The following NUP93 variants were observed in gnomAD, a reference collection of about 807,000 sequenced individuals.
The protein encoded by NUP93 is nuclear pore complex protein Nup93.
A neutral mutation model predicts 107.8 loss-of-function variants in NUP93; 55 were observed. The ratio of observed to expected loss-of-function variants is 0.51; its 90% CI spans 0.41 to 0.64. The LOEUF (loss-of-function observed/expected upper bound fraction) is 0.64. Ranked by LOEUF, NUP93 falls within the 30% of genes least tolerant of loss-of-function variation. NUP93 has a pLI of 0.00. For synonymous variants in NUP93, 390 were observed against 397.5 expected, an observed-to-expected ratio of 0.98 and a Z score of 0.22; for missense variants, 937 against 1,044.7, an observed-to-expected ratio of 0.90 and a Z score of 1.42.
chr16:56,768,739 C>T (rs1048932022), intron 3 of NUP93, among the ~76,000 whole-genome samples: 9 of 136,322 alleles, frequency 6.6e-5, no homozygotes, highest in Non-Finnish European at 9.5e-5. Context: ...TGGTGGCGGG[C>T]GCCTGTAGTC....
At chr16:56,739,669 A>AG (rs1199743943) in intron 1 of NUP93, among the ~76,000 whole-genome samples, 1 of 40,754 alleles carries the variant, frequency 2.5e-5, no homozygotes, top group African/African-American at 1.2e-4. Context: ...GGCCGGGCGG[A>AG]GGGCTGACCC....
At position 56,841,640 on chromosome 16, in the gene NUP93, C is replaced by T. The variant is rs1964026720; in HGVS notation, c.2221-65C>T. ...GCCTGCCTGGAGCAGCCCACCCTCC[C>T]TCCATCTGTGGTTGGCCCCAAAGGC... is the stretch of plus-strand genomic sequence containing the variant. On this transcript the variant is annotated intron_variant, in intron 20 of 21. Coordinates refer to ENST00000308159, the MANE Select transcript of NUP93 (RefSeq NM_014669.5). The T allele has an allele frequency of 1.9e-6, 3 of 1,589,284 alleles. No individual in the cohort carries two copies. The African/African-American group carries it at 4.0e-5, about 21-fold the overall frequency.
chr16:56,805,337 C>G, intron 4 of NUP93, 167 bp from the exon 5 acceptor site: 1 of 703,610 alleles, frequency 1.4e-6, no homozygotes, highest in Non-Finnish European at 2.3e-6. Context: ...TGTAAACCAC[C>G]ACGCTCAGCC....
At chr16:56,827,047 A>AAAAAAAAAAAG (rs1963679215) in intron 8 of NUP93, among the ~76,000 whole-genome samples, 1 of 103,518 alleles carries the variant, frequency 9.7e-6, no homozygotes, top group East Asian at 3.6e-4. Context: ...TCCGTCTCAA[A>AAAAAAAAAAAG]AAAAAAAAAA....
Position 56,747,350 on chromosome 16 carries a change from G to A in NUP93, c.-14-884G>A, listed in dbSNP as rs139941754. ...TTTCTGTTGATTTAATTAGTGGTAGGAGTTAAAAACATTCTCTTGGTCAAG... is the reference window on the plus strand; with the variant it reads ...TTTCTGTTGATTTAATTAGTGGTAGAAGTTAAAAACATTCTCTTGGTCAAG... On this transcript the variant is annotated intron_variant, in intron 1 of 21. Coordinates refer to ENST00000308159, the MANE Select transcript of NUP93 (RefSeq NM_014669.5). 2.3e-3 allele frequency among the ~76,000 whole-genome samples: 352 copies of A among 152,292 alleles called. 2 individuals carry two copies. The highest frequency in any genetic ancestry group is 7.9e-3 in the African/African-American group (329 of 41,560).
At chr16:56,782,119 TTCCGACAGAGCTCA>T (rs1962527389) in intron 3 of NUP93, 1 of 985,338 alleles carries the variant, frequency 1.0e-6, no homozygotes, top group Non-Finnish European at 1.2e-6. Flanking sequence ...TGAGCACTGG[TTCCGACAGAGCTCA>T]TCTCATATAA....
chr16:56,830,496 T>C, intron 9 of NUP93, 32 bp from the exon 10 acceptor site: 1 of 1,525,266 alleles, frequency 6.6e-7, no homozygotes, highest in Non-Finnish European at 8.9e-7. Context: ...CTTTCCTTGT[T>C]TATTTTGAGC....
intron 3 of NUP93, among the ~76,000 whole-genome samples, chr16:56,788,531 AACTT>A (rs1397032799): frequency 6.6e-6 from 1 of 152,216 alleles, no homozygotes; most frequent in Non-Finnish European, 1.5e-5. Flanking sequence ...TTATGCCCTT[AACTT>A]GTTTGCACTC....
At chr16:56,748,694 A>G (rs1961864709) in intron 2 of NUP93, among the ~76,000 whole-genome samples, 1 of 152,158 alleles carries the variant, frequency 6.6e-6, no homozygotes, top group African/African-American at 2.4e-5. Context: ...GAGCCCTGTC[A>G]TGCTGAATCT....
At chr16:56,813,806 T>C (rs1445686835) in intron 5 of NUP93, among the ~76,000 whole-genome samples, 1 of 152,260 alleles carries the variant, frequency 6.6e-6, no homozygotes, top group Non-Finnish European at 1.5e-5. Context: ...CCTAGGTTAA[T>C]ACACATAGGT....
intron 5 of NUP93, among the ~76,000 whole-genome samples, chr16:56,806,257 A>G (rs1213450372): frequency 6.6e-6 from 1 of 151,452 alleles, no homozygotes. Context: ...TGCCCATCTG[A>G]CACCCAGTCT....
intron 10 of NUP93, chr16:56,831,377 T>C (rs1445767497): frequency 6.4e-6 from 1 of 155,494 alleles, no homozygotes; most frequent in African/African-American, 2.4e-5. Flanking sequence ...CAGAAGCCCC[T>C]GTCTTGCTCA....
intron 1 of NUP93, among the ~76,000 whole-genome samples, chr16:56,738,339 A>G (rs1371794498): frequency 6.6e-6 from 1 of 152,190 alleles, no homozygotes; most frequent in Non-Finnish European, 1.5e-5. Flanking sequence ...TTTCTTTGTG[A>G]TGCCAGGTTA....
chr16:56,831,820 G>A, intron 10 of NUP93, 22 bp from the exon 11 acceptor site: 1 of 1,611,926 alleles, frequency 6.2e-7, no homozygotes, highest in Admixed American at 1.7e-5. Context: ...GTATCTATCT[G>A]TCTGTTCCCT....
chr16:56,763,851 T>C (rs1962172825), intron 3 of NUP93, among the ~76,000 whole-genome samples: 1 of 151,488 alleles, frequency 6.6e-6, no homozygotes, highest in Non-Finnish European at 1.5e-5. Flanking sequence ...CAGCCCCTTC[T>C]ACCCAAAAGA....
In NUP93 at chr16:56,844,490, C is replaced by T; in HGVS notation, c.2350-9C>T. 1 of 1,426,178 alleles carries T rather than the reference C, an allele frequency of 7.0e-7. No homozygotes were observed. The highest frequency in any genetic ancestry group is 9.3e-7 in the Non-Finnish European group (1 of 1,075,710). The allele number at this position is 1,426,178 out of a possible 1,614,324, so 88.3% of individuals were successfully genotyped here. A position where few individuals can be genotyped will look rare whatever the true frequency, so the allele number is the denominator to read the frequency against. On this transcript the variant is annotated splice_polypyrimidine_tract_variant and intron_variant, in intron 21 of 21. Coordinates refer to ENST00000308159, the MANE Select transcript of NUP93 (RefSeq NM_014669.5). ...CCGATTTCCTTCCCTTCCTTCCCTT[C>T]TCTCTCAGCAACTCCGAAGTCAAGC...
intron 4 of NUP93, among the ~76,000 whole-genome samples, chr16:56,804,633 G>A (rs1225286513): frequency 6.6e-6 from 1 of 152,154 alleles, no homozygotes; most frequent in Non-Finnish European, 1.5e-5. Context: ...TGTGGGCTGG[G>A]CACGGTGGCT....
At chr16:56,763,165 T>A (rs1038087162) in intron 3 of NUP93, among the ~76,000 whole-genome samples, 7 of 152,310 alleles carry the variant, frequency 4.6e-5, no homozygotes, top group Admixed American at 3.3e-4. Flanking sequence ...CCATTTCATA[T>A]CCATGGGCAG....
At chr16:56,732,543 A>G (rs1358719921) in intron 1 of NUP93, among the ~76,000 whole-genome samples, 1 of 152,196 alleles carries the variant, frequency 6.6e-6, no homozygotes, top group African/African-American at 2.4e-5. Context: ...ATCTGAGAGC[A>G]TTGCTGGTAG....
Sources: allele counts gnomAD v4.1 joint callset (sites outside exome capture counted in the v4.1 genomes callset), GRCh38; gene constraint gnomAD v4.1.1; transcripts MANE v1.5; gene names NCBI Gene and HGNC (gene_info 2026-07-23, HGNC 2026-07-21).